SESN2: variants seen among roughly 807,000 people sequenced by gnomAD.
SESN2 encodes sestrin 2, also known as sestrin-2.
A neutral mutation model predicts 56.0 loss-of-function variants in SESN2; 42 were observed. The ratio of observed to expected loss-of-function variants is 0.75; its 90% confidence interval spans 0.59 to 0.97. SESN2 has a LOEUF of 0.97. Ranked by LOEUF, SESN2 falls within the 50% of genes least tolerant of loss-of-function variation. The pLI is 0.00. For missense variants in SESN2, 507 were observed against 649.4 expected (o/e 0.78, Z 2.38); for synonymous variants, 264 against 267.1 (o/e 0.99, Z 0.11).
intron 5 of SESN2, among the ~76,000 whole-genome samples, 169 bp from the exon 6 acceptor site, chr1:28,273,189 C>T (rs1052371926): frequency 6.6e-6 from 1 of 152,202 alleles, no homozygotes; most frequent in African/African-American, 2.4e-5. Context: ...TTGTAAACGT[C>T]ACTTTAGGAA....
At chr1:28,277,822 C>G (rs966197098) in intron 8 of SESN2, among the ~76,000 whole-genome samples, 2 of 152,218 alleles carry the variant, frequency 1.3e-5, no homozygotes, top group Non-Finnish European at 2.9e-5. Flanking sequence ...GAACCATCCT[C>G]TTACTCTAGT....
intron 1 of SESN2, among the ~76,000 whole-genome samples, chr1:28,262,821 C>G (rs12138793): frequency 0.39 from 59,325 of 151,190 alleles, 13,575 homozygotes; most frequent in African/African-American, 0.64. Context: ...CCAGCTACTC[C>G]GGAGGCTGAG....
At chr1:28,260,921 C>G (rs923777391) in intron 1 of SESN2, among the ~76,000 whole-genome samples, 10 of 152,224 alleles carry the variant, frequency 6.6e-5, no homozygotes, top group African/African-American at 2.4e-4. Flanking sequence ...ACCAGCAATA[C>G]AAGCTACGCT....
At position 28,271,685 on chromosome 1, in the gene SESN2, G is replaced by A; in HGVS notation, c.168G>A (p.Glu56=). The A allele has an allele frequency of 3.1e-6, 5 of 1,614,114 alleles. No individual in the cohort carries two copies. Among genetic ancestry groups the A allele is most frequent in the Non-Finnish European group, 4.2e-6 (5 of 1,179,976 alleles). The stretch of plus-strand genomic sequence containing the variant: ...CCTTTGGTTGGCAGGTCCTTCGGGA[G>A]GGGGCTGAGAGCCTCGAGCAGCACC... ...AFIPVEEVLR[E]GAESLEQHLG... is the part of the protein sequence containing the mutation. The change falls in exon 3 of 10, where the codon GAG becomes GAA. Residue 56 remains glutamate, a synonymous_variant. Transcript: ENST00000253063.
In SESN2 at chr1:28,259,893, C is replaced by G. The variant is rs761924375; in HGVS notation, c.46C>G (p.Leu16Val). 1 of 1,454,208 alleles carries G rather than the reference C, an allele frequency of 6.9e-7. No individual in the cohort carries two copies. Among genetic ancestry groups the G allele is most frequent in the Non-Finnish European group, 9.0e-7 (1 of 1,107,464 alleles). The allele number at this position is 1,454,208 out of a possible 1,614,324, so 90.1% of individuals were successfully genotyped here. The change falls in exon 1 of 10, where the codon CTG becomes GTG. Residue 16 changes from leucine (L) to valine (V), a missense_variant. Physicochemically the swap from Leu to Val is conservative, Grantham distance 32. Coordinates refer to ENST00000253063, the MANE Select transcript of SESN2 (RefSeq NM_031459.5). ...SECRAELKDY[L>V]RFAPGGVGDS... ...GTGCCGCGCAGAGCTCAAGGACTACCTGCGGTTCGCCCCGGGCGGCGTCGG... is the reference window on the plus strand; with the variant it reads ...GTGCCGCGCAGAGCTCAAGGACTACGTGCGGTTCGCCCCGGGCGGCGTCGG...
chr1:28,271,019 TAAA>T (rs910605333), intron 2 of SESN2, among the ~76,000 whole-genome samples: 28 of 149,880 alleles, frequency 1.9e-4, no homozygotes, highest in Middle Eastern at 6.8e-3. Flanking sequence ...CCGTCTGTAT[TAAA>T]AAAAAAAGTT....
rs1268413440 is a variant in SESN2 at position 28,273,482 on chromosome 1, CAGAG to C, written c.878_881del (p.Glu293AlafsTer4). On this transcript the variant is annotated frameshift_variant, in exon 6 of 10. Transcript: ENST00000253063. LOFTEE classifies it high-confidence loss of function. ...GAGAGCCGCTTTGAGCTGGAGAAGT[CAGAG>C]AGCCTGCTGGTGACCCCCTCAGGTA... 8 of 1,609,724 alleles carry C rather than the reference CAGAG, an allele frequency of 5.0e-6. No individual in the cohort carries two copies. Among genetic ancestry groups the C allele is most frequent in the Non-Finnish European group, 6.8e-6 (8 of 1,178,512 alleles).
intron 9 of SESN2, 46 bp from the exon 10 acceptor site, chr1:28,280,670 G>A (rs1648207121): frequency 6.9e-7 from 1 of 1,443,904 alleles, no homozygotes; most frequent in Non-Finnish European, 9.7e-7. Context: ...GGGTGTGGGG[G>A]TGAGGAGTGA....
chr1:28,264,573 C>T (rs1038353212), intron 1 of SESN2, among the ~76,000 whole-genome samples: 1 of 152,104 alleles, frequency 6.6e-6, no homozygotes, highest in African/African-American at 2.4e-5. Context: ...TTTTCTTGTT[C>T]TGTTACGTGG....
At chr1:28,269,355 T>C in intron 2 of SESN2, 107 bp downstream of exon 2, 1 of 658,220 alleles carries the variant, frequency 1.5e-6, no homozygotes, top group South Asian at 2.3e-5. Flanking sequence ...TTTTAAGCTA[T>C]TCCTTTCTGA....
chr1:28,262,438 T>G (rs931243883), intron 1 of SESN2, among the ~76,000 whole-genome samples: 3 of 148,900 alleles, frequency 2.0e-5, no homozygotes, highest in Non-Finnish European at 3.0e-5. Context: ...AGCCCAGGAG[T>G]TCAAAACCAG....
chr1:28,260,671 T>G (rs549054635), intron 1 of SESN2, among the ~76,000 whole-genome samples: 1 of 151,666 alleles, frequency 6.6e-6, no homozygotes, highest in East Asian at 2.0e-4. Context: ...TTTCCAGAAA[T>G]TCCTCCCCCA....
chr1:28,269,082 A>T, intron 1 of SESN2, 101 bp from the exon 2 acceptor site: 1 of 754,326 alleles, frequency 1.3e-6, no homozygotes, highest in East Asian at 2.9e-5. Flanking sequence ...TGGGTTTAAC[A>T]CTTCAGTGTA....
At chr1:28,270,758 G>A (rs1647742424) in intron 2 of SESN2, among the ~76,000 whole-genome samples, 1 of 152,104 alleles carries the variant, frequency 6.6e-6, no homozygotes, top group Non-Finnish European at 1.5e-5. Context: ...TAGCAGAGAT[G>A]GGGTTTCTCC....
chr1:28,279,268 T>G (rs1243870880), intron 9 of SESN2, 27 bp downstream of exon 9: 1 of 1,613,046 alleles, frequency 6.2e-7, no homozygotes, highest in Non-Finnish European at 8.5e-7. Context: ...CAGGGCAGGA[T>G]GGAAGTAGAC....
At chr1:28,272,518 T>C in intron 4 of SESN2, 52 bp downstream of exon 4, 1 of 1,608,812 alleles carries the variant, frequency 6.2e-7, no homozygotes, top group Non-Finnish European at 8.5e-7. Flanking sequence ...GCCTGGCTGG[T>C]GCCTGGTGGG....
At chr1:28,266,512 G>A (rs889985569) in intron 1 of SESN2, among the ~76,000 whole-genome samples, 6 of 151,790 alleles carry the variant, frequency 4.0e-5, no homozygotes, top group Non-Finnish European at 5.9e-5. Context: ...AGCAGGTGGT[G>A]GAGCTGTCAT....
At position 28,263,447 on chromosome 1, in the gene SESN2, G is replaced by A. The variant is rs567188420; in HGVS notation, c.90+3510G>A. Among the ~76,000 whole-genome samples the A allele has an allele frequency of 1.3e-4, 20 of 152,236 alleles. 1 individual carries two copies. The highest frequency in any genetic ancestry group is 6.8e-3 in the Middle Eastern group (2 of 292). ...GCTGCTTGGGCTGTATTTCCGTATC[G>A]TCTTCTCAGGCATAAACCCAGGAAA... is the stretch of plus-strand genomic sequence containing the variant. On this transcript the variant is annotated intron_variant, in intron 1 of 9. Coordinates refer to ENST00000253063, the MANE Select transcript of SESN2 (RefSeq NM_031459.5).
At chr1:28,279,539 C>T (rs983965567) in intron 9 of SESN2, among the ~76,000 whole-genome samples, 37 of 151,810 alleles carry the variant, frequency 2.4e-4, no homozygotes, top group African/African-American at 8.2e-4. Flanking sequence ...CACATTATCT[C>T]GCTGAGTTTT....
Sources: gnomAD v4.1 joint callset for allele counts (sites outside exome capture counted in the v4.1 genomes callset) on GRCh38, gnomAD v4.1.1 for gene constraint, MANE v1.5 for transcripts, NCBI Gene and HGNC (gene_info 2026-07-23, HGNC 2026-07-21) for gene names.